DCLRE1C: variants seen among roughly 807,000 people sequenced by gnomAD.
DCLRE1C encodes protein artemis.
A neutral mutation model predicts 61.4 loss-of-function variants in DCLRE1C; 47 were observed. The ratio of observed to expected loss-of-function variants is 0.77; its 90% CI spans 0.61 to 0.98. The LOEUF (loss-of-function observed/expected upper bound fraction) is 0.98. Ranked by LOEUF, DCLRE1C falls within the 50% of genes least tolerant of loss-of-function variation. The pLI is 0.00. For missense variants in DCLRE1C, 858 were observed against 816.0 expected, an observed-to-expected ratio of 1.05 and a Z score of -0.63; for synonymous variants, 337 against 287.6, an observed-to-expected ratio of 1.17 and a Z score of -1.74.
rs780486893 is a variant in DCLRE1C, at chr10:14,927,999, T to C, written c.917+17A>G. ...CTCAAAGTTTCTCTCAGAAGACCTA[T>C]GATATTGCTCTCTTACCTCACAATT... On this transcript the variant is annotated intron_variant, in intron 10 of 13. Transcript: ENST00000378278. 7.4e-6 allele frequency: 12 copies of C among 1,613,146 alleles called. No homozygotes were observed. Among genetic ancestry groups the C allele is most frequent in the South Asian group, 6.6e-5 (6 of 91,068 alleles).
At chr10:14,914,845 C>G (rs931784559) in intron 13 of DCLRE1C, among the ~76,000 whole-genome samples, 1 of 151,842 alleles carries the variant, frequency 6.6e-6, no homozygotes, top group African/African-American at 2.4e-5. Flanking sequence ...GATGCTGACA[C>G]AGGAGAATCA....
intron 6 of DCLRE1C, 127 bp downstream of exon 6, chr10:14,935,336 C>G: frequency 9.8e-7 from 1 of 1,024,712 alleles, no homozygotes; most frequent in Non-Finnish European, 1.5e-6. Flanking sequence ...CGTGGTGGCA[C>G]GTACCTGTTA....
chr10:14,915,347 A>G (rs1835995990), intron 13 of DCLRE1C, among the ~76,000 whole-genome samples: 1 of 152,016 alleles, frequency 6.6e-6, no homozygotes, highest in African/African-American at 2.4e-5. Context: ...ATGAAAATAA[A>G]ACCAAAAACT....
intron 13 of DCLRE1C, among the ~76,000 whole-genome samples, chr10:14,917,497 AAC>A (rs1273113495): frequency 2.6e-5 from 4 of 152,114 alleles, no homozygotes; most frequent in African/African-American, 9.6e-5. Context: ...AAAAAAAAAA[AAC>A]AAAAAAAACT....
At chr10:14,931,506 C>G (rs1181135893) in intron 9 of DCLRE1C, among the ~76,000 whole-genome samples, 1 of 151,800 alleles carries the variant, frequency 6.6e-6, no homozygotes, top group South Asian at 2.1e-4. Context: ...TGCAGTGAGC[C>G]GAGATGGCAC....
chr10:14,908,622 GT>G lies in DCLRE1C; in HGVS notation c.1864del (p.Thr622LeufsTer3), dbSNP rs770534689. On this transcript the variant is annotated frameshift_variant, in exon 14 of 14. Coordinates refer to ENST00000378278, the MANE Select transcript of DCLRE1C (RefSeq NM_001033855.3). LOFTEE classifies it low-confidence loss of function (END_TRUNC). ...VTIVPSTGEP[T>X]TLSSETHIPE... ...TATATGTGTCTCACTGCTTAGAGTAGTTGGTTCTCCAGTACTAGGAACTATT... is the reference window on the plus strand; with the variant it reads ...TATATGTGTCTCACTGCTTAGAGTAGTGGTTCTCCAGTACTAGGAACTATT... The G allele has an allele frequency of 6.2e-7, 1 of 1,614,134 alleles. No individual in the cohort carries two copies. The highest frequency in any genetic ancestry group is 8.5e-7 in the Non-Finnish European group (1 of 1,180,012).
chr10:14,905,736 G>A lies in DCLRE1C; in HGVS notation c.*2672C>T, dbSNP rs536346592. ...ACGGTAGCTGACGCCTGTAATCCCAGCACTTTGGGAGGCCGAGGCGAGTGG... is the reference window on the plus strand; with the variant it reads ...ACGGTAGCTGACGCCTGTAATCCCAACACTTTGGGAGGCCGAGGCGAGTGG... On this transcript the variant is annotated 3_prime_UTR_variant, in exon 14 of 14. Coordinates refer to ENST00000378278, the MANE Select transcript of DCLRE1C (RefSeq NM_001033855.3). 2.0e-5 allele frequency among the ~76,000 whole-genome samples: 3 copies of A among 152,288 alleles called. No individual in the cohort carries two copies. Among genetic ancestry groups the A allele is most frequent in the African/African-American group, 7.2e-5 (3 of 41,556 alleles).
rs1010716169 is a variant in DCLRE1C, at chr10:14,907,312, A to G, written c.*1096T>C. ...TATCATACTAGATCCAAGTTTGTCAATTTAAATCAGGTGTGTTTATGAGCA... is the reference window on the plus strand; with the variant it reads ...TATCATACTAGATCCAAGTTTGTCAGTTTAAATCAGGTGTGTTTATGAGCA... On this transcript the variant is annotated 3_prime_UTR_variant, in exon 14 of 14. Coordinates refer to ENST00000378278, the MANE Select transcript of DCLRE1C (RefSeq NM_001033855.3). 6.0e-5 allele frequency among the ~76,000 whole-genome samples: 9 copies of G among 150,482 alleles called. No homozygotes were observed. Among genetic ancestry groups the G allele is most frequent in the African/African-American group, 9.8e-5 (4 of 40,760 alleles).
At chr10:14,919,616 G>C (rs1300543973) in intron 13 of DCLRE1C, 122 bp downstream of exon 13, 2 of 783,566 alleles carry the variant, frequency 2.6e-6, no homozygotes, top group Non-Finnish European at 4.6e-6. Context: ...CATGTGTCAA[G>C]TCTGACCTGT....
At chr10:14,922,061 G>A (rs1031512806) in intron 12 of DCLRE1C, among the ~76,000 whole-genome samples, 2 of 152,190 alleles carry the variant, frequency 1.3e-5, no homozygotes, top group African/African-American at 4.8e-5. Context: ...CGGCCTCTCC[G>A]TGAGACTGGA....
chr10:14,924,824 G>A (rs1043452884), intron 11 of DCLRE1C, among the ~76,000 whole-genome samples: 1 of 151,742 alleles, frequency 6.6e-6, no homozygotes, highest in African/African-American at 2.4e-5. Flanking sequence ...TCCAGCCTGG[G>A]CAATAAAGCG....
At chr10:14,944,853 T>C (rs1246697659) in intron 3 of DCLRE1C, among the ~76,000 whole-genome samples, 1 of 151,808 alleles carries the variant, frequency 6.6e-6, no homozygotes, top group Non-Finnish European at 1.5e-5. Flanking sequence ...TTTTGTATTT[T>C]TAGTAGAGAC....
intron 2 of DCLRE1C, among the ~76,000 whole-genome samples, chr10:14,946,853 G>A (rs1841773605): frequency 6.6e-6 from 1 of 151,874 alleles, no homozygotes; most frequent in South Asian, 2.1e-4. Context: ...CCTATGCTCA[G>A]GTCATCCTCC....
intron 1 of DCLRE1C, among the ~76,000 whole-genome samples, chr10:14,950,960 G>A (rs1225388231): frequency 2.0e-5 from 3 of 152,202 alleles, no homozygotes; most frequent in Non-Finnish European, 2.9e-5. Flanking sequence ...GGGTCGGGGG[G>A]CCCTCTCATC....
At chr10:14,912,081 A>G (rs957502452) in intron 13 of DCLRE1C, among the ~76,000 whole-genome samples, 5 of 152,216 alleles carry the variant, frequency 3.3e-5, no homozygotes, top group Admixed American at 6.5e-5. Flanking sequence ...GTCAAAATTC[A>G]TATGTGGAAG....
chr10:14,912,769 C>T (rs1835479568), intron 13 of DCLRE1C, among the ~76,000 whole-genome samples: 1 of 152,210 alleles, frequency 6.6e-6, no homozygotes. Flanking sequence ...ACTGCAAGCT[C>T]TGCCTCCTGG....
chr10:14,897,416 T>C (rs1278172199), exon 14 of DCLRE1C: 1 of 1,613,402 alleles, frequency 6.2e-7, no homozygotes, highest in East Asian at 2.2e-5. Context: ...AGGCACACAG[T>C]ATTCGCTTTG....
intron 9 of DCLRE1C, among the ~76,000 whole-genome samples, chr10:14,931,372 A>G (rs1204277552): frequency 6.6e-6 from 1 of 151,972 alleles, no homozygotes; most frequent in African/African-American, 2.4e-5. Flanking sequence ...AGCCTGGCCA[A>G]TATGGTGAAA....
intron 9 of DCLRE1C, 113 bp from the exon 10 acceptor site, chr10:14,928,265 T>C: frequency 2.1e-6 from 2 of 937,286 alleles, no homozygotes; most frequent in Non-Finnish European, 3.2e-6. Flanking sequence ...AAATAAAAAA[T>C]AAAAAAAAAG....
Sources: allele counts gnomAD v4.1 joint callset (sites outside exome capture counted in the v4.1 genomes callset), GRCh38; gene constraint gnomAD v4.1.1; transcripts MANE v1.5; gene names NCBI Gene and HGNC (gene_info 2026-07-23, HGNC 2026-07-21).